The following ATCAY variants were observed in gnomAD, a reference collection of about 807,000 sequenced individuals.
ATCAY encodes ATCAY kinesin light chain interacting caytaxin.
A neutral mutation model predicts 47.7 loss-of-function variants in ATCAY; 22 were observed. The ratio of observed to expected loss-of-function variants is 0.46; its 90% CI spans 0.33 to 0.66. The LOEUF (loss-of-function observed/expected upper bound fraction) is 0.66, where lower values mean the gene tolerates loss of function less well. Ranked by LOEUF, ATCAY falls within the 30% of genes least tolerant of loss-of-function variation. The pLI is 0.02. For synonymous variants in ATCAY, 216 were observed against 207.6 expected (o/e 1.04, Z -0.35); for missense variants, 452 against 515.0 (o/e 0.88, Z 1.18).
chr19:3,905,472 A>T lies in ATCAY; in HGVS notation c.175A>T (p.Lys59Ter), dbSNP rs748869597. ...GCTAAATTTCAACGGAGCGCATCGTAAGAGGAAGACGCTGGTGGCCCCAGA... is the reference window on the plus strand; with the variant it reads ...GCTAAATTTCAACGGAGCGCATCGTTAGAGGAAGACGCTGGTGGCCCCAGA... ...NTLNFNGAHR[K>*]RKTLVAPEIN... The change falls in exon 4 of 13, where the codon AAG becomes TAG. Residue 59 changes from lysine (K) to a stop codon, truncating the protein, a stop_gained. Coordinates refer to ENST00000450849, the MANE Select transcript of ATCAY (RefSeq NM_033064.5). LOFTEE classifies it high-confidence loss of function. The T allele has an allele frequency of 6.2e-7, 1 of 1,613,604 alleles. No homozygotes were observed.
intron 2 of ATCAY, among the ~76,000 whole-genome samples, chr19:3,899,860 C>T (rs1198461921): frequency 2.0e-5 from 3 of 152,148 alleles, no homozygotes; most frequent in Admixed American, 2.0e-4. Context: ...TCGGGCAGCA[C>T]GGGCTGCGGC....
chr19:3,911,618 A>T (rs1276950555), intron 8 of ATCAY, among the ~76,000 whole-genome samples: 1 of 151,870 alleles, frequency 6.6e-6, no homozygotes, highest in African/African-American at 2.4e-5. Flanking sequence ...TCTATAATGT[A>T]TATCATATAT....
In ATCAY at chr19:3,918,897, T is replaced by C. The variant is rs2038991587; in HGVS notation, c.1073+20T>C. 7 of 1,613,672 alleles carry C rather than the reference T, an allele frequency of 4.3e-6. No individual in the cohort carries two copies. The highest frequency in any genetic ancestry group is 1.7e-5 in the Admixed American group (1 of 59,990). On this transcript the variant is annotated intron_variant, in intron 11 of 12. Transcript: ENST00000450849. ...AAACAGGTAGGTGTGCAGGGGACCA[T>C]GGGCAGAGAGCTGACAGTCACGGGA...
Position 3,885,735 on chromosome 19 carries a change from C to T in ATCAY, c.-33C>T, listed in dbSNP as rs1568442691. 1.9e-6 allele frequency: 3 copies of T among 1,545,842 alleles called. No homozygotes were observed. The highest frequency in any genetic ancestry group is 2.4e-5 in the East Asian group (1 of 40,882). On this transcript the variant is annotated 5_prime_UTR_variant, in exon 2 of 13. Transcript: ENST00000450849. ...CTGCGGCTTCCTTTCAGGGGTCATC[C>T]CTGCTTCAAGCCAGTGCCTCTTCCC...
intron 7 of ATCAY, among the ~76,000 whole-genome samples, chr19:3,910,299 C>T (rs1388741976): frequency 1.3e-5 from 2 of 152,152 alleles, no homozygotes; most frequent in African/African-American, 4.8e-5. Context: ...CTTTTCATGG[C>T]TGCATAATAT....
Position 3,924,875 on chromosome 19 carries a change from A to T in ATCAY, c.*283A>T. 2.3e-6 allele frequency: 1 copy of T among 442,438 alleles called. No individual in the cohort carries two copies. Among genetic ancestry groups the T allele is most frequent in the East Asian group, 3.9e-5 (1 of 25,630 alleles). 27.4% of individuals were successfully genotyped at this position (442,438 alleles called of 1,614,324 possible). A position where few individuals can be genotyped will look rare whatever the true frequency, so the allele number is the denominator to read the frequency against. On this transcript the variant is annotated 3_prime_UTR_variant, in exon 13 of 13. Transcript: ENST00000450849. Reference sequence around the variant, plus strand: ...CACGAACTCTCAGCCGAGGAAGGCAAGAAGCGCAGGGGGTGGCCCGCGTGG... The same window carrying T: ...CACGAACTCTCAGCCGAGGAAGGCATGAAGCGCAGGGGGTGGCCCGCGTGG...
At chr19:3,921,493 C>G (rs926225573) in intron 12 of ATCAY, among the ~76,000 whole-genome samples, 4 of 152,080 alleles carry the variant, frequency 2.6e-5, no homozygotes, top group Non-Finnish European at 4.4e-5. Context: ...CCAAGGGTAT[C>G]CTCAGGCACA....
chr19:3,914,029 G>T (rs567875743), intron 9 of ATCAY, among the ~76,000 whole-genome samples, 173 bp downstream of exon 9: 78 of 152,022 alleles, frequency 5.1e-4, no homozygotes, highest in African/African-American at 1.8e-3. Flanking sequence ...GAGGTCAGGG[G>T]ATCGAGACCA....
rs1053850236 is a variant in ATCAY, at chr19:3,907,626, G to A, written c.359-108G>A. On this transcript the variant is annotated intron_variant, in intron 4 of 12. Coordinates refer to ENST00000450849, the MANE Select transcript of ATCAY (RefSeq NM_033064.5). The surrounding 1 kb of genome is among the most constrained non-coding windows in gnomAD (Gnocchi z 5.1). ...CCAGGTGGGGAGAAGCGAAGGACTT[G>A]TGGGTCCCGGCAGCGAGGGAGGTGG... The A allele has an allele frequency of 2.6e-5, 35 of 1,360,170 alleles. No homozygotes were observed. The highest frequency in any genetic ancestry group is 3.5e-5 in the Non-Finnish European group (34 of 984,380). The allele number at this position is 1,360,170 out of a possible 1,614,324, so 84.3% of individuals were successfully genotyped here.
chr19:3,923,530 G>C (rs1299649052), intron 12 of ATCAY, among the ~76,000 whole-genome samples: 2 of 151,766 alleles, frequency 1.3e-5, no homozygotes. Context: ...TGGGAGGATA[G>C]ATGGATGATA....
chr19:3,915,555 CT>C lies in ATCAY; in HGVS notation c.965+1713del, dbSNP rs1264823704. Among the ~76,000 whole-genome samples, 1,097 of 126,192 alleles carry C rather than the reference CT, an allele frequency of 8.7e-3. 15 individuals are homozygous for C. Among genetic ancestry groups the C allele is most frequent in the African/African-American group, 0.027 (934 of 34,266 alleles). 82.8% of individuals were successfully genotyped at this position (126,192 alleles called of 152,430 possible). A position where few individuals can be genotyped will look rare whatever the true frequency, so the allele number is the denominator to read the frequency against. ...TCACCACCATCCTCTCCAGACCTTT[CT>C]TTTTTTTTTTTTTGAGATGGAGTCT... On this transcript the variant is annotated intron_variant, in intron 9 of 12. Coordinates refer to ENST00000450849, the MANE Select transcript of ATCAY (RefSeq NM_033064.5).
chr19:3,899,182 G>A (rs1035938147), intron 2 of ATCAY, among the ~76,000 whole-genome samples: 5 of 151,878 alleles, frequency 3.3e-5, no homozygotes, highest in South Asian at 2.1e-4. Flanking sequence ...CAGTGGTTAC[G>A]CAAAAACATT....
intron 1 of ATCAY, among the ~76,000 whole-genome samples, chr19:3,885,152 C>T (rs2038638707): frequency 7.0e-6 from 1 of 142,818 alleles, no homozygotes; most frequent in Non-Finnish European, 1.5e-5. Context: ...AGCTCAGTGG[C>T]TCACCCCTGT....
intron 2 of ATCAY, among the ~76,000 whole-genome samples, chr19:3,897,263 CTATA>C (rs10677459): frequency 2.8e-5 from 4 of 143,924 alleles, no homozygotes; most frequent in Non-Finnish European, 1.5e-5. Flanking sequence ...TTGAAGTTTG[CTATA>C]TATATATATA....
At chr19:3,882,421 G>A (rs1054089753) in intron 1 of ATCAY, among the ~76,000 whole-genome samples, 4 of 151,650 alleles carry the variant, frequency 2.6e-5, no homozygotes, top group African/African-American at 9.7e-5. Context: ...GGTCTCAAGC[G>A]ATCCTCCAAC....
Position 3,911,351 on chromosome 19 carries a change from G to C in ATCAY, c.866+462G>C, listed in dbSNP as rs940268592. ...ACTGTACTCCAGCCTGGATGACAGA[G>C]TGAGACCCTGTCTCAAAAGAAAATC... is the stretch of plus-strand genomic sequence containing the variant. On this transcript the variant is annotated intron_variant, in intron 8 of 12. Transcript: ENST00000450849. Among the ~76,000 whole-genome samples the C allele has an allele frequency of 2.4e-4, 36 of 152,208 alleles. 1 individual carries two copies. The highest frequency in any genetic ancestry group is 8.4e-4 in the African/African-American group (35 of 41,534).
intron 10 of ATCAY, among the ~76,000 whole-genome samples, chr19:3,918,397 A>T (rs942814247): frequency 6.6e-6 from 1 of 151,600 alleles, no homozygotes; most frequent in South Asian, 2.1e-4. Flanking sequence ...AAAAAAAAAA[A>T]AATAAATTAG....
At chr19:3,900,380 G>A (rs1429491941) in intron 2 of ATCAY, among the ~76,000 whole-genome samples, 3 of 151,936 alleles carry the variant, frequency 2.0e-5, no homozygotes, top group Non-Finnish European at 4.4e-5. Context: ...TAGAGACAGA[G>A]TTACGCCATG....
rs1264823704 is a variant in ATCAY at position 3,915,555 on chromosome 19, C to CTT, written c.965+1712_965+1713dup. On this transcript the variant is annotated intron_variant, in intron 9 of 12. Coordinates refer to ENST00000450849, the MANE Select transcript of ATCAY (RefSeq NM_033064.5). Reference sequence around the variant, plus strand: ...TCACCACCATCCTCTCCAGACCTTTCTTTTTTTTTTTTTTGAGATGGAGTC... The same window carrying CTT: ...TCACCACCATCCTCTCCAGACCTTTCTTTTTTTTTTTTTTTTGAGATGGAGTC... 5.2e-3 allele frequency among the ~76,000 whole-genome samples: 657 copies of CTT among 126,234 alleles called. 6 individuals are homozygous for CTT. Among genetic ancestry groups the CTT allele is most frequent in the African/African-American group, 0.017 (597 of 34,260 alleles). 82.8% of individuals were successfully genotyped at this position (126,234 alleles called of 152,430 possible).
Sources: gnomAD v4.1 joint callset for allele counts (sites outside exome capture counted in the v4.1 genomes callset) on GRCh38, gnomAD v4.1.1 for gene constraint, Gnocchi (gnomAD v3.1) non-coding constraint, MANE v1.5 for transcripts, NCBI Gene and HGNC (gene_info 2026-07-23, HGNC 2026-07-21) for gene names.